STOX1: variants seen among roughly 807,000 people sequenced by gnomAD.
The protein encoded by STOX1 is storkhead-box protein 1.
STOX1 carries 57 observed loss-of-function variants against 74.8 expected under a neutral mutation model. The observed-to-expected ratio is 0.76, with a 90% CI of 0.62 to 0.95. The LOEUF is 0.95. Among genes scored for constraint, STOX1 ranks in the 40% least tolerant of loss-of-function variants. The pLI is 0.00. For missense variants in STOX1, 1,010 were observed against 1,117.0 expected, an observed-to-expected ratio of 0.90 and a Z score of 1.37; for synonymous variants, 375 against 401.3, an observed-to-expected ratio of 0.93 and a Z score of 0.78.
At position 68,881,940 on chromosome 10, in the gene STOX1, T is replaced by A. The variant is rs548330484; in HGVS notation, c.311-18T>A. The stretch of plus-strand genomic sequence containing the variant: ...ATTTATCAACCCCCTCCCCCTTTTT[T>A]TTAAATCTCCAATTTAGGTGATGTC... On this transcript the variant is annotated intron_variant, in intron 1 of 3. Coordinates refer to ENST00000298596, the MANE Select transcript of STOX1 (RefSeq NM_152709.5). 81 of 1,613,724 alleles carry A rather than the reference T, an allele frequency of 5.0e-5. No homozygotes were observed. The South Asian group carries it at 8.0e-4, about 16-fold the overall frequency.
intron 1 of STOX1, among the ~76,000 whole-genome samples, chr10:68,837,570 A>G (rs1589215478): frequency 6.6e-6 from 1 of 152,270 alleles, no homozygotes; most frequent in African/African-American, 2.4e-5. Flanking sequence ...AGCCTGAAGT[A>G]TGCATTATCT....
intron 1 of STOX1, among the ~76,000 whole-genome samples, chr10:68,848,972 G>A (rs772352248): frequency 1.9e-4 from 29 of 152,096 alleles, no homozygotes; most frequent in Non-Finnish European, 3.2e-4. Context: ...GCCTGACAAC[G>A]TTAGCAGTTA....
At chr10:68,868,524 C>G (rs561901656) in intron 1 of STOX1, among the ~76,000 whole-genome samples, 1 of 152,172 alleles carries the variant, frequency 6.6e-6, no homozygotes, top group Non-Finnish European at 1.5e-5. Flanking sequence ...ATAGCCATCA[C>G]GAGCATGTCA....
intron 1 of STOX1, among the ~76,000 whole-genome samples, chr10:68,864,855 G>A (rs1840362961): frequency 6.6e-6 from 1 of 152,236 alleles, no homozygotes; most frequent in African/African-American, 2.4e-5. Context: ...GCATAAGTAG[G>A]AATGCCTAGA....
chr10:68,836,602 G>C (rs1839561087), intron 1 of STOX1, among the ~76,000 whole-genome samples: 1 of 152,170 alleles, frequency 6.6e-6, no homozygotes, highest in Admixed American at 6.5e-5. Context: ...GGGCTGCCTG[G>C]TGTCGGAGAA....
intron 1 of STOX1, among the ~76,000 whole-genome samples, chr10:68,840,515 G>A (rs1373960685): frequency 1.3e-5 from 2 of 151,884 alleles, no homozygotes; most frequent in South Asian, 2.1e-4. Context: ...CACTGCTCCC[G>A]GCCCAAGCAC....
At chr10:68,849,958 C>T (rs1839942863) in intron 1 of STOX1, among the ~76,000 whole-genome samples, 1 of 152,078 alleles carries the variant, frequency 6.6e-6, no homozygotes, top group Non-Finnish European at 1.5e-5. Context: ...ATGGCCAGTA[C>T]CTGGAAAGCA....
chr10:68,877,184 A>G (rs180904981), intron 1 of STOX1, among the ~76,000 whole-genome samples: 14 of 152,292 alleles, frequency 9.2e-5, no homozygotes, highest in African/African-American at 3.4e-4. Flanking sequence ...TGAAGTTTAC[A>G]TTTAGTTGTA....
In STOX1 at chr10:68,846,119, T is replaced by TTTTTTA. The variant is rs1167242930; in HGVS notation, c.310+18188_310+18189insTTTATT. On this transcript the variant is annotated intron_variant, in intron 1 of 3. Coordinates refer to ENST00000298596, the MANE Select transcript of STOX1 (RefSeq NM_152709.5). ...GTGGTACAAGTTATGGCTTGAGGTTTTTATTATTATTATTATTATTATTAT... is the reference window on the plus strand; with the variant it reads ...GTGGTACAAGTTATGGCTTGAGGTTTTTTTTATTATTATTATTATTATTATTATTAT... Among the ~76,000 whole-genome samples the TTTTTTA allele has an allele frequency of 3.0e-3, 404 of 135,832 alleles. 1 individual carries two copies. The highest frequency in any genetic ancestry group is 8.1e-3 in the African/African-American group (309 of 37,970). The allele number at this position is 135,832 out of a possible 152,430, so 89.1% of individuals were successfully genotyped here. A position where few individuals can be genotyped will look rare whatever the true frequency, so the allele number is the denominator to read the frequency against.
intron 1 of STOX1, among the ~76,000 whole-genome samples, chr10:68,852,504 A>C (rs1425998552): frequency 1.3e-5 from 2 of 151,392 alleles, no homozygotes; most frequent in African/African-American, 2.4e-5. Flanking sequence ...ATGATCCACC[A>C]GCCTCGGCCT....
chr10:68,883,979 C>A (rs1840873296), intron 2 of STOX1, among the ~76,000 whole-genome samples: 1 of 152,026 alleles, frequency 6.6e-6, no homozygotes, highest in Non-Finnish European at 1.5e-5. Flanking sequence ...CCACACCTGG[C>A]TAATGTTTAA....
intron 1 of STOX1, among the ~76,000 whole-genome samples, chr10:68,841,562 A>G (rs1298267877): frequency 6.6e-6 from 1 of 152,238 alleles, no homozygotes; most frequent in Non-Finnish European, 1.5e-5. Context: ...CATTAAAAAA[A>G]TCCATGTATA....
intron 1 of STOX1, among the ~76,000 whole-genome samples, chr10:68,843,594 G>A (rs1346198077): frequency 6.6e-6 from 1 of 151,992 alleles, no homozygotes; most frequent in Non-Finnish European, 1.5e-5. Flanking sequence ...TGGCTGGAGT[G>A]CAATGGAGCG....
At chr10:68,881,870 CTTTA>C in intron 1 of STOX1, 84 bp from the exon 2 acceptor site, 1 of 1,482,408 alleles carries the variant, frequency 6.7e-7, no homozygotes, top group Non-Finnish European at 9.4e-7. Context: ...ACCTATTAGT[CTTTA>C]TTTTTGTTTC....
At chr10:68,843,615 A>ACTGCAACTTCTGCCTCC (rs1480499673) in intron 1 of STOX1, among the ~76,000 whole-genome samples, 1 of 151,988 alleles carries the variant, frequency 6.6e-6, no homozygotes, top group Non-Finnish European at 1.5e-5. Flanking sequence ...ACCTCGGCTC[A>ACTGCAACTTCTGCCTCC]CTGCAACCTC....
At chr10:68,838,744 ACT>A (rs2133500475) in intron 1 of STOX1, among the ~76,000 whole-genome samples, 1 of 152,026 alleles carries the variant, frequency 6.6e-6, no homozygotes, top group East Asian at 1.9e-4. Context: ...CCCCATCTCT[ACT>A]AAAAATACAA....
intron 1 of STOX1, among the ~76,000 whole-genome samples, chr10:68,871,108 T>C (rs908963414): frequency 2.6e-5 from 4 of 151,086 alleles, no homozygotes; most frequent in Non-Finnish European, 5.9e-5. Flanking sequence ...CTTCAGAGCC[T>C]AAGGGTTTTG....
At chr10:68,833,547 A>G (rs1839465101) in intron 1 of STOX1, among the ~76,000 whole-genome samples, 1 of 152,112 alleles carries the variant, frequency 6.6e-6, no homozygotes, top group Non-Finnish European at 1.5e-5. Context: ...TCAATTGAAC[A>G]AGCAGGGGGT....
intron 1 of STOX1, among the ~76,000 whole-genome samples, chr10:68,841,893 C>T (rs933323554): frequency 2.0e-5 from 3 of 152,168 alleles, no homozygotes. Flanking sequence ...AGGAGCTGAT[C>T]ATCTTGTCCC....
Sources: allele counts gnomAD v4.1 joint callset (sites outside exome capture counted in the v4.1 genomes callset), GRCh38; gene constraint gnomAD v4.1.1; transcripts MANE v1.5; gene names NCBI Gene and HGNC (gene_info 2026-07-23, HGNC 2026-07-21).